The following DAB1 variants were observed in gnomAD, a reference collection of about 807,000 sequenced individuals.
The protein encoded by DAB1 is DAB adaptor protein 1.
Under a neutral mutation model 64.6 loss-of-function variants are expected in DAB1, and 15 were observed. The ratio of observed to expected loss-of-function variants is 0.23; its 90% CI spans 0.16 to 0.36. The LOEUF is 0.36. Among genes scored for constraint, DAB1 ranks in the 10% least tolerant of loss-of-function variants. The pLI, the probability that DAB1 is intolerant of heterozygous loss-of-function variation, is 1.00. For synonymous variants in DAB1, 235 were observed against 251.9 expected, an observed-to-expected ratio of 0.93 and a Z score of 0.64; for missense variants, 596 against 706.7, an observed-to-expected ratio of 0.84 and a Z score of 1.78.
intron 5 of DAB1, among the ~76,000 whole-genome samples, chr1:58,090,955 G>C (rs1650621555): frequency 6.6e-6 from 1 of 152,200 alleles, no homozygotes; most frequent in East Asian, 1.9e-4. Flanking sequence ...TCGGTTCAGT[G>C]CTACACACAT....
At chr1:58,461,989 G>A (rs1287178952) in intron 3 of DAB1, among the ~76,000 whole-genome samples, 1 of 152,112 alleles carries the variant, frequency 6.6e-6, no homozygotes, top group Non-Finnish European at 1.5e-5. Context: ...CAGTCTGGGT[G>A]CTATTCCATC....
At chr1:57,326,103 A>C (rs1676131474) in intron 1 of DAB1, among the ~76,000 whole-genome samples, 1 of 152,256 alleles carries the variant, frequency 6.6e-6, no homozygotes, top group African/African-American at 2.4e-5. Flanking sequence ...CCCTGCCCTC[A>C]AGGAGCTCAC....
intron 6 of DAB1, among the ~76,000 whole-genome samples, chr1:57,803,379 T>TA (rs1424863551): frequency 6.6e-6 from 1 of 152,154 alleles, no homozygotes; most frequent in Admixed American, 6.5e-5. Context: ...GTTAAGAACA[T>TA]AGAGTTTCTG....
intron 4 of DAB1, among the ~76,000 whole-genome samples, chr1:58,333,709 A>C (rs937553489): frequency 1.3e-5 from 2 of 152,218 alleles, no homozygotes; most frequent in African/African-American, 4.8e-5. Flanking sequence ...TTTCACATAA[A>C]TCTGTTATGA....
At chr1:58,073,440 C>G (rs552467035) in intron 5 of DAB1, among the ~76,000 whole-genome samples, 1 of 152,264 alleles carries the variant, frequency 6.6e-6, no homozygotes, top group East Asian at 1.9e-4. Flanking sequence ...ATCATAGCAC[C>G]TGAGTAGAAA....
chr1:58,469,151 C>T (rs1485372505), intron 3 of DAB1: 1 of 155,554 alleles, frequency 6.4e-6, no homozygotes, highest in Non-Finnish European at 1.4e-5. Context: ...CTATGTTGAG[C>T]TCTGCTGCCA....
chr1:58,205,848 C>T (rs1658245055), intron 4 of DAB1, among the ~76,000 whole-genome samples: 1 of 152,206 alleles, frequency 6.6e-6, no homozygotes, highest in Admixed American at 6.5e-5. Context: ...ATGCTTCCTC[C>T]TTTTCTAAGG....
chr1:57,350,459 T>C (rs185474972), intron 1 of DAB1, among the ~76,000 whole-genome samples: 1 of 152,292 alleles, frequency 6.6e-6, no homozygotes, highest in Admixed American at 6.5e-5. Context: ...ATGTTCATGG[T>C]AAATGTTTAG....
intron 3 of DAB1, among the ~76,000 whole-genome samples, chr1:58,460,260 T>C (rs905338783): frequency 6.6e-6 from 1 of 152,124 alleles, no homozygotes; most frequent in Non-Finnish European, 1.5e-5. Flanking sequence ...TCCTATCAGA[T>C]GAGGAAAATG....
At chr1:58,064,492 A>G (rs1648712573) in intron 5 of DAB1, among the ~76,000 whole-genome samples, 1 of 152,090 alleles carries the variant, frequency 6.6e-6, no homozygotes, top group South Asian at 2.1e-4. Context: ...AGTGCTCAGA[A>G]TAAAGGCAGC....
At chr1:58,103,634 A>G (rs1651461676) in intron 5 of DAB1, among the ~76,000 whole-genome samples, 1 of 152,108 alleles carries the variant, frequency 6.6e-6, no homozygotes, top group Non-Finnish European at 1.5e-5. Context: ...GTTCATTCTG[A>G]CACTGCTGAC....
At chr1:58,331,153 A>AT (rs1297696983) in intron 4 of DAB1, among the ~76,000 whole-genome samples, 1 of 152,202 alleles carries the variant, frequency 6.6e-6, no homozygotes, top group Non-Finnish European at 1.5e-5. Flanking sequence ...GAAGAAGTTG[A>AT]TTCCAACCCT....
intron 7 of DAB1, among the ~76,000 whole-genome samples, chr1:57,604,284 A>G (rs1449438176): frequency 6.6e-6 from 1 of 152,180 alleles, no homozygotes; most frequent in Admixed American, 6.5e-5. Flanking sequence ...GTGAAACCGA[A>G]AATAAGTTAT....
At chr1:57,709,580 A>C (rs11207096) in intron 6 of DAB1, among the ~76,000 whole-genome samples, 45,834 of 151,926 alleles carry the variant, frequency 0.3, 7,082 homozygotes, top group East Asian at 0.45. Flanking sequence ...GTGGAAGTTT[A>C]ATAGGTGAAA....
chr1:58,312,733 T>G (rs1662458213), intron 4 of DAB1, among the ~76,000 whole-genome samples: 1 of 152,150 alleles, frequency 6.6e-6, no homozygotes, highest in Admixed American at 6.6e-5. Flanking sequence ...GTTAAGAACA[T>G]GGACTCTATT....
chr1:57,282,210 A>C (rs1340792713), intron 2 of DAB1, among the ~76,000 whole-genome samples: 1 of 44,090 alleles, frequency 2.3e-5, no homozygotes. Flanking sequence ...AAAAAAAAAA[A>C]AACAGGTGAC....
chr1:58,397,420 C>T (rs1644532659), intron 3 of DAB1, among the ~76,000 whole-genome samples: 1 of 152,204 alleles, frequency 6.6e-6, no homozygotes, highest in African/African-American at 2.4e-5. Flanking sequence ...GAGACAGAAA[C>T]GTCTGTGAAG....
At chr1:58,066,505 C>T (rs1197808151) in intron 5 of DAB1, among the ~76,000 whole-genome samples, 1 of 152,152 alleles carries the variant, frequency 6.6e-6, no homozygotes, top group African/African-American at 2.4e-5. Context: ...TTATGCCAGG[C>T]CCTGTTCTAA....
intron 1 of DAB1, chr1:58,536,888 A>G (rs903466895): frequency 9.2e-5 from 53 of 576,170 alleles, no homozygotes; most frequent in Non-Finnish European, 1.5e-4. Context: ...CCAATTAATA[A>G]AATTCTTAGC....
Sources: gnomAD v4.1 joint callset for allele counts (sites outside exome capture counted in the v4.1 genomes callset) on GRCh38, gnomAD v4.1.1 for gene constraint, MANE v1.5 for transcripts, NCBI Gene and HGNC (gene_info 2026-07-23, HGNC 2026-07-21) for gene names.